CFAP299: variants seen among roughly 807,000 people sequenced by gnomAD.
The protein encoded by CFAP299 is cilia and flagella associated protein 299, also known as cilia- and flagella-associated protein 299.
Under a neutral mutation model 27.0 loss-of-function variants are expected in CFAP299, and 21 were observed. The ratio of observed to expected loss-of-function variants is 0.78; its 90% confidence interval spans 0.55 to 1.12. The LOEUF is 1.12. Among genes scored for constraint, CFAP299 ranks in the 50% most tolerant of loss-of-function variants. The pLI, the probability that CFAP299 is intolerant of heterozygous loss-of-function variation, is 0.00. For missense variants in CFAP299, 310 were observed against 276.6 expected (o/e 1.12, Z -0.86); for synonymous variants, 104 against 98.1 (o/e 1.06, Z -0.36).
intron 3 of CFAP299, among the ~76,000 whole-genome samples, chr4:80,817,662 C>T (rs1035982984): frequency 2.6e-5 from 4 of 151,986 alleles, no homozygotes; most frequent in Non-Finnish European, 5.9e-5. Context: ...ACAAATTTAG[C>T]ACATAGCATG....
At chr4:80,587,298 C>T (rs765580044) in intron 3 of CFAP299, among the ~76,000 whole-genome samples, 51 of 152,070 alleles carry the variant, frequency 3.4e-4, no homozygotes, top group Admixed American at 2.6e-3. Flanking sequence ...ACATTTATTT[C>T]ACCAGAAAAA....
At chr4:80,846,252 T>C (rs1578177593) in intron 3 of CFAP299, among the ~76,000 whole-genome samples, 1 of 152,250 alleles carries the variant, frequency 6.6e-6, no homozygotes, top group South Asian at 2.1e-4. Flanking sequence ...TCCAATGAGA[T>C]GAGTTTCAAA....
chr4:80,365,657 C>A (rs369368480), intron 2 of CFAP299, among the ~76,000 whole-genome samples: 1 of 152,234 alleles, frequency 6.6e-6, no homozygotes, highest in South Asian at 2.1e-4. Flanking sequence ...TGTAAAACAT[C>A]AGGGAGAGTC....
chr4:80,590,831 G>A (rs575694738), intron 3 of CFAP299, among the ~76,000 whole-genome samples: 67 of 152,208 alleles, frequency 4.4e-4, no homozygotes, highest in Admixed American at 1.4e-3. Flanking sequence ...CATTGTGCTA[G>A]GTAGGAGGAG....
chr4:80,695,076 G>A (rs879331014), intron 3 of CFAP299, among the ~76,000 whole-genome samples: 7 of 152,044 alleles, frequency 4.6e-5, no homozygotes, highest in African/African-American at 7.2e-5. Context: ...AAATGAAGTA[G>A]GTATGAAAGC....
chr4:80,453,844 T>TAATAAG (rs747460046), intron 2 of CFAP299, among the ~76,000 whole-genome samples: 1 of 73,692 alleles, frequency 1.4e-5, no homozygotes, highest in East Asian at 3.9e-4. Context: ...CTGTCTCAAA[T>TAATAAG]AATAATAATA....
At chr4:80,507,649 T>C (rs1346039339) in intron 2 of CFAP299, among the ~76,000 whole-genome samples, 1 of 152,180 alleles carries the variant, frequency 6.6e-6, no homozygotes, top group Non-Finnish European at 1.5e-5. Flanking sequence ...CAGCTACTGC[T>C]GTGGTCTAAT....
chr4:80,709,781 T>C (rs886085135), intron 3 of CFAP299, among the ~76,000 whole-genome samples: 1 of 152,186 alleles, frequency 6.6e-6, no homozygotes. Flanking sequence ...TACTTCAACA[T>C]TGTGGGAGCA....
At chr4:80,676,156 T>A (rs1719439909) in intron 3 of CFAP299, among the ~76,000 whole-genome samples, 1 of 152,224 alleles carries the variant, frequency 6.6e-6, no homozygotes, top group African/African-American at 2.4e-5. Flanking sequence ...GCTGTTCCTA[T>A]TCGGCCATCT....
At chr4:80,430,686 A>G (rs1258558963) in intron 2 of CFAP299, among the ~76,000 whole-genome samples, 1 of 152,314 alleles carries the variant, frequency 6.6e-6, no homozygotes, top group Non-Finnish European at 1.5e-5. Context: ...TATCTAGTAC[A>G]TAGAGACTCC....
At chr4:80,921,964 G>A (rs1007541168) in intron 4 of CFAP299, among the ~76,000 whole-genome samples, 2 of 151,992 alleles carry the variant, frequency 1.3e-5, no homozygotes, top group East Asian at 1.9e-4. Context: ...ACCAAAAAAT[G>A]TAAGATAGAA....
At chr4:80,932,741 G>A (rs908393470) in intron 4 of CFAP299, among the ~76,000 whole-genome samples, 9 of 151,990 alleles carry the variant, frequency 5.9e-5, no homozygotes, top group Non-Finnish European at 7.4e-5. Flanking sequence ...ATATATCAAC[G>A]CTAATTCAGC....
chr4:80,569,696 GA>G (rs1374283158), intron 2 of CFAP299, among the ~76,000 whole-genome samples: 3 of 151,700 alleles, frequency 2.0e-5, no homozygotes. Flanking sequence ...GAAAATGAAA[GA>G]AAAAACTTTC....
At chr4:80,579,682 A>T (rs1736068936) in intron 2 of CFAP299, among the ~76,000 whole-genome samples, 3 of 152,130 alleles carry the variant, frequency 2.0e-5, no homozygotes, top group South Asian at 2.1e-4. Flanking sequence ...TTTCATAAAG[A>T]TCCACTTCCA....
chr4:80,436,287 T>C (rs1578440428), intron 2 of CFAP299, among the ~76,000 whole-genome samples: 1 of 151,648 alleles, frequency 6.6e-6, no homozygotes, highest in Admixed American at 6.6e-5. Context: ...GGGTACAAAA[T>C]GTGGGATATC....
At chr4:80,697,031 A>T (rs1024986708) in intron 3 of CFAP299, among the ~76,000 whole-genome samples, 1 of 152,170 alleles carries the variant, frequency 6.6e-6, no homozygotes, top group Non-Finnish European at 1.5e-5. Context: ...TTAAATCATT[A>T]AAAAAATAGT....
intron 3 of CFAP299, among the ~76,000 whole-genome samples, chr4:80,809,307 C>T (rs971210045): frequency 6.6e-6 from 1 of 152,076 alleles, no homozygotes; most frequent in African/African-American, 2.4e-5. Context: ...TAGCTAAATC[C>T]TTCGGGTGGG....
chr4:80,337,834 G>T (rs980149564), intron 1 of CFAP299, among the ~76,000 whole-genome samples: 27 of 152,158 alleles, frequency 1.8e-4, no homozygotes, highest in African/African-American at 6.5e-4. Flanking sequence ...GTAAGATGAA[G>T]ATTTAGTTGA....
chr4:80,871,122 G>T (rs969992562), intron 4 of CFAP299: 53 of 675,500 alleles, frequency 7.8e-5, no homozygotes, highest in Non-Finnish European at 9.5e-5. Flanking sequence ...GGTCAAGCTG[G>T]TCTCAAACTC....
Sources: allele counts gnomAD v4.1 joint callset (sites outside exome capture counted in the v4.1 genomes callset), GRCh38; gene constraint gnomAD v4.1.1; transcripts MANE v1.5; gene names NCBI Gene and HGNC (gene_info 2026-07-23, HGNC 2026-07-21).